BMPR1B: variants seen among roughly 807,000 people sequenced by gnomAD.
BMPR1B encodes the protein bone morphogenetic protein receptor type 1B, also known as bone morphogenetic protein receptor type-1B.
A neutral mutation model predicts 59.1 loss-of-function variants in BMPR1B; 12 were observed. The observed-to-expected ratio is 0.20, with a 90% CI of 0.13 to 0.33. The LOEUF (loss-of-function observed/expected upper bound fraction) is 0.33, where lower values mean the gene tolerates loss of function less well. Among genes scored for constraint, BMPR1B ranks in the 10% least tolerant of loss-of-function variants. The pLI, the probability that BMPR1B is intolerant of heterozygous loss-of-function variation, is 1.00. For synonymous variants in BMPR1B, 237 were observed against 207.3 expected, an observed-to-expected ratio of 1.14 and a Z score of -1.23; for missense variants, 550 against 610.9, an observed-to-expected ratio of 0.90 and a Z score of 1.05.
intron 1 of BMPR1B, among the ~76,000 whole-genome samples, chr4:94,822,057 C>A (rs1560500965): frequency 6.6e-6 from 1 of 152,232 alleles, no homozygotes; most frequent in Non-Finnish European, 1.5e-5. Flanking sequence ...ATACTTATTT[C>A]TCACAGTTCT....
At chr4:95,033,465 C>A (rs1725024832) in intron 3 of BMPR1B, among the ~76,000 whole-genome samples, 1 of 152,000 alleles carries the variant, frequency 6.6e-6, no homozygotes, top group African/African-American at 2.4e-5. Flanking sequence ...GTAATTTTTC[C>A]ATTATGGTAT....
In BMPR1B at chr4:94,951,788, G is replaced by A. The variant is rs182724172; in HGVS notation, c.-112-44252G>A. On this transcript the variant is annotated intron_variant, in intron 2 of 12. Transcript: ENST00000515059. ...CTGACCTCATAAAATGAGTTAGGGAGGAGTCCTTCTTTTTCTTTGTTTGGA... is the reference window on the plus strand; with the variant it reads ...CTGACCTCATAAAATGAGTTAGGGAAGAGTCCTTCTTTTTCTTTGTTTGGA... Among the ~76,000 whole-genome samples, 439 of 152,234 alleles carry A rather than the reference G, an allele frequency of 2.9e-3. 3 individuals are homozygous for A. Among genetic ancestry groups the A allele is most frequent in the African/African-American group, 0.01 (416 of 41,558 alleles).
intron 2 of BMPR1B, among the ~76,000 whole-genome samples, chr4:94,990,832 T>C (rs1020943900): frequency 1.3e-5 from 2 of 152,248 alleles, no homozygotes; most frequent in African/African-American, 4.8e-5. Flanking sequence ...TTTGTTGTTT[T>C]AAAGCATTAC....
At chr4:95,116,421 G>GCACACACAAACA (rs1732061287) in intron 6 of BMPR1B, among the ~76,000 whole-genome samples, 1 of 123,198 alleles carries the variant, frequency 8.1e-6, no homozygotes, top group Non-Finnish European at 1.6e-5. Context: ...TTCAGCGCGC[G>GCACACACAAACA]CACACACACA....
chr4:94,907,465 A>G (rs1210561961), intron 2 of BMPR1B, among the ~76,000 whole-genome samples: 3 of 152,072 alleles, frequency 2.0e-5, no homozygotes, highest in Non-Finnish European at 4.4e-5. Flanking sequence ...GCACTCAGGC[A>G]GCAAATAAGG....
At chr4:95,046,809 T>C (rs1308888489) in intron 3 of BMPR1B, among the ~76,000 whole-genome samples, 1 of 152,242 alleles carries the variant, frequency 6.6e-6, no homozygotes, top group East Asian at 1.9e-4. Context: ...AAAATTAAGT[T>C]GGCTATCTCA....
Position 95,152,633 on chromosome 4 carries a change from A to G in BMPR1B, c.1253-10A>G, listed in dbSNP as rs1192550772. The G allele has an allele frequency of 4.6e-6, 7 of 1,529,338 alleles. No individual in the cohort carries two copies. The highest frequency in any genetic ancestry group is 2.5e-5 in the East Asian group (1 of 40,720). The allele number at this position is 1,529,338 out of a possible 1,614,324, so 94.7% of individuals were successfully genotyped here. ...TAATAATAATAATAATAGTAACAAC[A>G]TATTTTTAGGTATAGTGGAAGAATA... On this transcript the variant is annotated splice_polypyrimidine_tract_variant and intron_variant, in intron 11 of 12. Transcript: ENST00000515059.
rs151070431 is a variant in BMPR1B, at chr4:95,058,106, G to A, written c.-17-46302G>A. Among the ~76,000 whole-genome samples, 258 of 152,164 alleles carry A rather than the reference G, an allele frequency of 1.7e-3. 2 individuals carry two copies. The highest frequency in any genetic ancestry group is 6.0e-3 in the African/African-American group (250 of 41,502). ...TAGGACATTGTTATATGTAAGTTTCGCTCCTTTATTGAAATGGTAGTTGCA... is the reference window on the plus strand; with the variant it reads ...TAGGACATTGTTATATGTAAGTTTCACTCCTTTATTGAAATGGTAGTTGCA... On this transcript the variant is annotated intron_variant, in intron 3 of 12. Coordinates refer to ENST00000515059, the MANE Select transcript of BMPR1B (RefSeq NM_001203.3).
At chr4:95,060,419 A>G (rs929354258) in intron 3 of BMPR1B, among the ~76,000 whole-genome samples, 1 of 152,202 alleles carries the variant, frequency 6.6e-6, no homozygotes, top group Non-Finnish European at 1.5e-5. Context: ...TTTTATCAGC[A>G]TGATGTGTTG....
chr4:95,034,475 T>C (rs2149162124), intron 3 of BMPR1B, among the ~76,000 whole-genome samples: 1 of 152,118 alleles, frequency 6.6e-6, no homozygotes, highest in South Asian at 2.1e-4. Context: ...TATATCATTC[T>C]TCTGCCTTTG....
intron 3 of BMPR1B, among the ~76,000 whole-genome samples, chr4:95,045,726 G>A (rs1726004820): frequency 6.6e-6 from 1 of 152,264 alleles, no homozygotes; most frequent in East Asian, 1.9e-4. Flanking sequence ...GGCAGTTACT[G>A]TACTGCATTG....
chr4:94,828,203 A>G (rs1275421390), intron 1 of BMPR1B, among the ~76,000 whole-genome samples: 4 of 152,244 alleles, frequency 2.6e-5, no homozygotes, highest in African/African-American at 7.2e-5. Context: ...AATAACTAAA[A>G]CATTGTGTGA....
intron 3 of BMPR1B, among the ~76,000 whole-genome samples, chr4:95,058,582 C>T (rs1727106059): frequency 1.3e-5 from 2 of 152,124 alleles, no homozygotes; most frequent in African/African-American, 2.4e-5. Context: ...TTTTTTCTGG[C>T]CATCTCTGTC....
intron 11 of BMPR1B, 81 bp from the exon 12 acceptor site, chr4:95,152,562 C>T (rs1022151430): frequency 4.6e-6 from 6 of 1,300,754 alleles, no homozygotes; most frequent in South Asian, 1.6e-5. Flanking sequence ...AGCACTTTTC[C>T]TTTGAGAACT....
intron 1 of BMPR1B, among the ~76,000 whole-genome samples, chr4:94,806,004 T>C (rs1300726608): frequency 6.6e-6 from 1 of 152,194 alleles, no homozygotes; most frequent in African/African-American, 2.4e-5. Flanking sequence ...TGTCTGATAT[T>C]TTCATTACCT....
intron 10 of BMPR1B, among the ~76,000 whole-genome samples, chr4:95,143,477 G>T (rs1009887732): frequency 4.6e-5 from 7 of 151,840 alleles, no homozygotes; most frequent in African/African-American, 1.5e-4. Context: ...CTTTCCCTTT[G>T]CTCCCCTTCC....
intron 2 of BMPR1B, among the ~76,000 whole-genome samples, chr4:94,947,008 C>T (rs1308224006): frequency 2.0e-5 from 3 of 152,144 alleles, no homozygotes; most frequent in Non-Finnish European, 4.4e-5. Context: ...GCCGAGATCA[C>T]TCTGCTGCAC....
intron 3 of BMPR1B, among the ~76,000 whole-genome samples, chr4:95,054,684 A>G (rs916607097): frequency 6.6e-6 from 1 of 152,200 alleles, no homozygotes; most frequent in Non-Finnish European, 1.5e-5. Flanking sequence ...AATATTGAAT[A>G]TAGTGCAATG....
chr4:94,853,129 C>A (rs1272440153), intron 1 of BMPR1B, among the ~76,000 whole-genome samples: 2 of 151,972 alleles, frequency 1.3e-5, no homozygotes, highest in African/African-American at 4.8e-5. Flanking sequence ...AGTACTAATT[C>A]GAAATTGTAT....
Sources: allele counts gnomAD v4.1 joint callset (sites outside exome capture counted in the v4.1 genomes callset), GRCh38; gene constraint gnomAD v4.1.1; transcripts MANE v1.5; gene names NCBI Gene and HGNC (gene_info 2026-07-23, HGNC 2026-07-21).